Variants in TEAD1 observed in about 807,000 individuals in gnomAD.
The protein encoded by TEAD1 is transcriptional enhancer factor TEF-1.
A neutral mutation model predicts 54.9 loss-of-function variants in TEAD1; 9 were observed. That is an observed-to-expected ratio of 0.16 (90% CI 0.10 to 0.29). The LOEUF (loss-of-function observed/expected upper bound fraction) is 0.29, where lower values mean the gene tolerates loss of function less well. Ranked by LOEUF, TEAD1 falls within the 10% of genes least tolerant of loss-of-function variation. The pLI, the probability that TEAD1 is intolerant of heterozygous loss-of-function variation, is 1.00. For synonymous variants in TEAD1, 200 were observed against 187.8 expected (o/e 1.07, Z -0.53); for missense variants, 387 against 535.9 (o/e 0.72, Z 2.74).
chr11:12,923,446 C>T (rs531570513), intron 10 of TEAD1, among the ~76,000 whole-genome samples: 5 of 152,270 alleles, frequency 3.3e-5, no homozygotes, highest in South Asian at 4.1e-4. Flanking sequence ...TGCTTAGTTC[C>T]GTGTGGTATG....
At chr11:12,880,458 G>C (rs1947942418) in intron 6 of TEAD1, among the ~76,000 whole-genome samples, 1 of 152,128 alleles carries the variant, frequency 6.6e-6, no homozygotes, top group Admixed American at 6.5e-5. Flanking sequence ...TCAGCCCCAG[G>C]GTTGCTTGAC....
intron 9 of TEAD1, among the ~76,000 whole-genome samples, chr11:12,890,000 G>A (rs1485126526): frequency 6.6e-6 from 1 of 152,190 alleles, no homozygotes; most frequent in African/African-American, 2.4e-5. Flanking sequence ...GGGATTACAG[G>A]TGTGAGCCAC....
intron 2 of TEAD1, among the ~76,000 whole-genome samples, chr11:12,675,764 C>A (rs558949517): frequency 6.6e-6 from 1 of 152,296 alleles, no homozygotes; most frequent in African/African-American, 2.4e-5. Flanking sequence ...AAAATCAAAG[C>A]AATATTTTTA....
At chr11:12,817,698 C>T (rs188354790) in intron 3 of TEAD1, among the ~76,000 whole-genome samples, 2 of 152,256 alleles carry the variant, frequency 1.3e-5, no homozygotes, top group African/African-American at 2.4e-5. Flanking sequence ...TGAGTACCCA[C>T]GTTGCCAGCT....
chr11:12,696,217 T>TTGTTTC, intron 2 of TEAD1, among the ~76,000 whole-genome samples: 1 of 152,196 alleles, frequency 6.6e-6, no homozygotes, highest in South Asian at 2.1e-4. Flanking sequence ...TGTTTTGTTT[T>TTGTTTC]TGTTTCGTAA....
intron 3 of TEAD1, among the ~76,000 whole-genome samples, chr11:12,813,863 T>A (rs1420183290): frequency 1.3e-5 from 2 of 152,126 alleles, no homozygotes; most frequent in Non-Finnish European, 2.9e-5. Context: ...CCTCTCCTCC[T>A]ACACCTTGAG....
intron 3 of TEAD1, among the ~76,000 whole-genome samples, chr11:12,813,133 G>A (rs1324261506): frequency 6.6e-6 from 1 of 152,152 alleles, no homozygotes; most frequent in Non-Finnish European, 1.5e-5. Context: ...TTCAGTCTTA[G>A]GTCAAGATAC....
At chr11:12,934,493 TAACA>T (rs1202286159) in intron 12 of TEAD1, among the ~76,000 whole-genome samples, 2 of 151,686 alleles carry the variant, frequency 1.3e-5, no homozygotes, top group Non-Finnish European at 2.9e-5. Flanking sequence ...TATACATATG[TAACA>T]AACCTGCACG....
chr11:12,756,801 T>A (rs908651180), intron 2 of TEAD1, among the ~76,000 whole-genome samples: 4 of 152,134 alleles, frequency 2.6e-5, no homozygotes, highest in Non-Finnish European at 5.9e-5. Flanking sequence ...CCTCACAAGG[T>A]GGGGATAATA....
intron 10 of TEAD1, among the ~76,000 whole-genome samples, chr11:12,908,491 T>G (rs1325621836): frequency 6.6e-6 from 1 of 152,192 alleles, no homozygotes; most frequent in Non-Finnish European, 1.5e-5. Context: ...TGGGGACCTT[T>G]GAGTGTAATA....
chr11:12,702,893 A>G lies in TEAD1; in HGVS notation c.-55+27332A>G, dbSNP rs1212637221. On this transcript the variant is annotated intron_variant, in intron 2 of 12. Coordinates refer to ENST00000527636, the MANE Select transcript of TEAD1 (RefSeq NM_021961.6). ...CTTTGTGATTCATTTAATTTTCACA[A>G]TAATTCTGTGAAGGAGGTAGTAATA... is the stretch of plus-strand genomic sequence containing the variant. 2.0e-5 allele frequency among the ~76,000 whole-genome samples: 3 copies of G among 152,210 alleles called. 1 individual carries two copies. The highest frequency in any genetic ancestry group is 4.8e-5 in the African/African-American group (2 of 41,452).
chr11:12,820,846 AT>A (rs1256847970), intron 3 of TEAD1, among the ~76,000 whole-genome samples: 1 of 152,230 alleles, frequency 6.6e-6, no homozygotes, highest in African/African-American at 2.4e-5. Flanking sequence ...AAAGCGAACA[AT>A]TTTAAGATGA....
At chr11:12,922,028 T>C (rs1208017654) in intron 10 of TEAD1, among the ~76,000 whole-genome samples, 1 of 152,142 alleles carries the variant, frequency 6.6e-6, no homozygotes, top group African/African-American at 2.4e-5. Context: ...ACCGGATAAG[T>C]ACAAGTTAAA....
intron 2 of TEAD1, among the ~76,000 whole-genome samples, chr11:12,708,642 A>T (rs1353236470): frequency 1.3e-5 from 2 of 152,178 alleles, no homozygotes; most frequent in Non-Finnish European, 2.9e-5. Context: ...GCATTGTACA[A>T]GTATACACAA....
At chr11:12,761,491 A>C (rs1256479643) in intron 2 of TEAD1, among the ~76,000 whole-genome samples, 3 of 152,224 alleles carry the variant, frequency 2.0e-5, no homozygotes, top group Admixed American at 1.3e-4. Context: ...AATAGGAATA[A>C]ATACAAACGC....
At chr11:12,743,511 G>A (rs1001516731) in intron 2 of TEAD1, among the ~76,000 whole-genome samples, 1 of 152,182 alleles carries the variant, frequency 6.6e-6, no homozygotes, top group African/African-American at 2.4e-5. Flanking sequence ...TGAATCTTAA[G>A]ATTATGGAGT....
At chr11:12,707,931 A>G (rs889639853) in intron 2 of TEAD1, among the ~76,000 whole-genome samples, 18 of 152,186 alleles carry the variant, frequency 1.2e-4, no homozygotes, top group Admixed American at 7.2e-4. Context: ...ATGAATAACA[A>G]TTTTTTCTCT....
Position 12,911,598 on chromosome 11 carries a change from T to G in TEAD1, c.873+9485T>G, listed in dbSNP as rs563919782. ...GAAATGATTTAAGTAGAAGAAAGAT[T>G]AGTGAGAAGTATCACGATATTCAGA... On this transcript the variant is annotated intron_variant, in intron 10 of 12. Coordinates refer to ENST00000527636, the MANE Select transcript of TEAD1 (RefSeq NM_021961.6). 3.3e-5 allele frequency among the ~76,000 whole-genome samples: 5 copies of G among 152,226 alleles called. No individual in the cohort carries two copies. In the South Asian group the frequency reaches 1.0e-3, roughly 32 times the overall value.
chr11:12,864,394 G>A (rs1564968407), intron 4 of TEAD1, among the ~76,000 whole-genome samples: 1 of 152,062 alleles, frequency 6.6e-6, no homozygotes, highest in African/African-American at 2.4e-5. Context: ...CAGTGCCCAT[G>A]ATTTCTCTTG....
Sources: gnomAD v4.1 joint callset for allele counts (sites outside exome capture counted in the v4.1 genomes callset) on GRCh38, gnomAD v4.1.1 for gene constraint, MANE v1.5 for transcripts, NCBI Gene and HGNC (gene_info 2026-07-23, HGNC 2026-07-21) for gene names.